The following LMBRD1 variants were observed in gnomAD, a reference collection of about 807,000 sequenced individuals.
LMBRD1 encodes the protein lysosomal cobalamin transport escort protein LMBD1.
In LMBRD1, 64 loss-of-function variants were observed where a neutral mutation model predicts 74.8. That is an observed-to-expected ratio of 0.86 (90% CI 0.70 to 1.05). The LOEUF (loss-of-function observed/expected upper bound fraction) is 1.05. LMBRD1 is among the 50% of genes least tolerant of loss of function. The pLI, the probability that LMBRD1 is intolerant of heterozygous loss-of-function variation, is 0.00. For synonymous variants in LMBRD1, 204 were observed against 216.3 expected, an observed-to-expected ratio of 0.94 and a Z score of 0.50; for missense variants, 652 against 645.9, an observed-to-expected ratio of 1.01 and a Z score of -0.10.
intron 8 of LMBRD1, among the ~76,000 whole-genome samples, chr6:69,714,117 C>T (rs1562095887): frequency 6.6e-6 from 1 of 151,992 alleles, no homozygotes; most frequent in Non-Finnish European, 1.5e-5. Context: ...CTACTATGTA[C>T]TTTGCTCAAT....
chr6:69,699,570 A>G (rs984988325), intron 12 of LMBRD1, among the ~76,000 whole-genome samples: 1 of 151,766 alleles, frequency 6.6e-6, no homozygotes, highest in Admixed American at 6.6e-5. Context: ...ATAAACATCT[A>G]TTTCTATGAA....
intron 1 of LMBRD1, among the ~76,000 whole-genome samples, chr6:69,794,999 A>G (rs1232634503): frequency 1.3e-5 from 2 of 152,230 alleles, no homozygotes; most frequent in East Asian, 3.8e-4. Context: ...GCTTTGGTGT[A>G]GTGTCAAAAA....
chr6:69,780,721 T>C lies in LMBRD1; in HGVS notation c.247-167A>G, dbSNP rs141209999. 5.1e-4 allele frequency among the ~76,000 whole-genome samples: 78 copies of C among 152,230 alleles called. 1 individual carries two copies. In the East Asian group the frequency reaches 0.013, roughly 25 times the overall value. On this transcript the variant is annotated intron_variant, in intron 2 of 15. Transcript: ENST00000649934. Reference sequence around the variant, plus strand: ...GACAGACAATAGACAAATTTCAGTATGTAAATGCTGAGATAAGACAACACA... The same window carrying C: ...GACAGACAATAGACAAATTTCAGTACGTAAATGCTGAGATAAGACAACACA...
intron 3 of LMBRD1, among the ~76,000 whole-genome samples, chr6:69,779,185 C>CAAAAAAAAAAAAAAAAAAA (rs11397050): frequency 3.0e-5 from 3 of 100,126 alleles, no homozygotes; most frequent in Admixed American, 1.0e-4. Flanking sequence ...GACTCAGTCT[C>CAAAAAAAAAAAAAAAAAAA]AAAAAAAAAA....
At chr6:69,747,453 G>C (rs1329525177) in intron 5 of LMBRD1, among the ~76,000 whole-genome samples, 1 of 152,198 alleles carries the variant, frequency 6.6e-6, no homozygotes, top group Non-Finnish European at 1.5e-5. Context: ...ACCTTGTTAT[G>C]GCAGCCAAAG....
intron 5 of LMBRD1, among the ~76,000 whole-genome samples, chr6:69,742,992 G>C (rs548279857): frequency 1.7e-4 from 26 of 152,094 alleles, no homozygotes; most frequent in Non-Finnish European, 2.9e-4. Context: ...TACAGGCATA[G>C]AGCAATAAAT....
chr6:69,690,849 C>T (rs1765860931), intron 14 of LMBRD1, among the ~76,000 whole-genome samples: 1 of 152,118 alleles, frequency 6.6e-6, no homozygotes, highest in Non-Finnish European at 1.5e-5. Flanking sequence ...TAATTCTCTA[C>T]TTCAGTCCAT....
At chr6:69,703,003 T>A (rs961869376) in intron 9 of LMBRD1, among the ~76,000 whole-genome samples, 1 of 152,032 alleles carries the variant, frequency 6.6e-6, no homozygotes, top group East Asian at 1.9e-4. Flanking sequence ...TCTTCAGTTA[T>A]GGCTGGGTGC....
At chr6:69,706,831 T>G (rs1766269880) in intron 9 of LMBRD1, among the ~76,000 whole-genome samples, 1 of 152,104 alleles carries the variant, frequency 6.6e-6, no homozygotes, top group South Asian at 2.1e-4. Flanking sequence ...TATTTAAAAG[T>G]GTGTAAATTT....
chr6:69,756,127 G>T (rs760536039), intron 3 of LMBRD1, among the ~76,000 whole-genome samples: 1 of 152,074 alleles, frequency 6.6e-6, no homozygotes, highest in Admixed American at 6.5e-5. Context: ...TTGGGAAGCC[G>T]AGGCAGGCAG....
chr6:69,677,107 A>T (rs1421445238), intron 14 of LMBRD1, among the ~76,000 whole-genome samples: 1 of 152,218 alleles, frequency 6.6e-6, no homozygotes, highest in African/African-American at 2.4e-5. Context: ...ATGAAGACTC[A>T]AGGGAAAACT....
At chr6:69,744,848 C>CTT (rs200677579) in intron 5 of LMBRD1, among the ~76,000 whole-genome samples, 2 of 145,748 alleles carry the variant, frequency 1.4e-5, no homozygotes, top group African/African-American at 2.5e-5. Context: ...TGCTGTAACT[C>CTT]TTTTTTTTTT....
At chr6:69,734,143 C>G (rs944520691) in intron 7 of LMBRD1, among the ~76,000 whole-genome samples, 1 of 151,758 alleles carries the variant, frequency 6.6e-6, no homozygotes, top group African/African-American at 2.4e-5. Context: ...CCAATAACTG[C>G]TAGGAAGTTG....
At chr6:69,703,980 T>G (rs1276597367) in intron 9 of LMBRD1, among the ~76,000 whole-genome samples, 1 of 152,118 alleles carries the variant, frequency 6.6e-6, no homozygotes, top group Non-Finnish European at 1.5e-5. Context: ...GGATTGCCTA[T>G]TTTCTCATGA....
At chr6:69,781,428 A>C (rs1037985654) in intron 2 of LMBRD1, among the ~76,000 whole-genome samples, 4 of 152,206 alleles carry the variant, frequency 2.6e-5, no homozygotes, top group Non-Finnish European at 5.9e-5. Flanking sequence ...AAACACTTAA[A>C]GAGCTCAAGT....
At position 69,696,734 on chromosome 6, in the gene LMBRD1, C is replaced by T. The variant is rs80171572; in HGVS notation, c.1417+829G>A. Reference sequence around the variant, plus strand: ...AGAGTTAATTGCGTCTTCCTCTGGCCTATCCCTGTACCTTATACTTGTTCC... The same window carrying T: ...AGAGTTAATTGCGTCTTCCTCTGGCTTATCCCTGTACCTTATACTTGTTCC... On this transcript the variant is annotated intron_variant, in intron 14 of 15. Coordinates refer to ENST00000649934, the MANE Select transcript of LMBRD1 (RefSeq NM_018368.4). Among the ~76,000 whole-genome samples, 1,067 of 152,184 alleles carry T rather than the reference C, an allele frequency of 7.0e-3. 23 individuals carry two copies. In the East Asian group the frequency reaches 0.079, roughly 11 times the overall value.
chr6:69,723,213 A>T (rs773458408), intron 7 of LMBRD1, among the ~76,000 whole-genome samples: 1 of 152,192 alleles, frequency 6.6e-6, no homozygotes. Flanking sequence ...ACCCCAATAC[A>T]TTAACAATGG....
chr6:69,788,396 T>C (rs1766004894), intron 2 of LMBRD1, among the ~76,000 whole-genome samples: 1 of 152,136 alleles, frequency 6.6e-6, no homozygotes, highest in South Asian at 2.1e-4. Flanking sequence ...TTTATAATTA[T>C]GTACTGTACA....
intron 2 of LMBRD1, among the ~76,000 whole-genome samples, chr6:69,782,181 CATAG>C (rs1765845548): frequency 1.3e-5 from 2 of 152,164 alleles, no homozygotes; most frequent in Admixed American, 6.5e-5. Context: ...GATATTAGTA[CATAG>C]ATAGTTTATT....
Sources: allele counts gnomAD v4.1 joint callset (sites outside exome capture counted in the v4.1 genomes callset), GRCh38; gene constraint gnomAD v4.1.1; transcripts MANE v1.5; gene names NCBI Gene and HGNC (gene_info 2026-07-23, HGNC 2026-07-21).